The following SOD2 variants were observed in gnomAD, a reference collection of about 807,000 sequenced individuals.
SOD2 encodes the protein superoxide dismutase [Mn], mitochondrial.
In SOD2, 11 loss-of-function variants were observed where a neutral mutation model predicts 27.0. The observed-to-expected ratio is 0.41, with a 90% CI of 0.26 to 0.67. The LOEUF (loss-of-function observed/expected upper bound fraction) is 0.67. Among genes scored for constraint, SOD2 ranks in the 30% least tolerant of loss-of-function variants. The pLI is 0.34. For synonymous variants in SOD2, 105 were observed against 103.0 expected (o/e 1.02, Z -0.12); for missense variants, 250 against 274.5 (o/e 0.91, Z 0.63).
chr6:159,726,168 A>G (rs1562445251), intron 1 of SOD2: 2 of 152,234 alleles, frequency 1.3e-5, no homozygotes, highest in East Asian at 3.9e-4. Flanking sequence ...CCATTTTTCC[A>G]CTCCCACCAG....
At chr6:159,753,677 A>G (rs181373704) in intron 1 of SOD2, 3 of 1,529,700 alleles carry the variant, frequency 2.0e-6, no homozygotes, top group Non-Finnish European at 2.6e-6. Context: ...TAAAACTGCC[A>G]GTCATGAATA....
intron 4 of SOD2, 27 bp downstream of exon 4, chr6:159,684,827 A>G (rs746460093): frequency 1.9e-6 from 3 of 1,579,812 alleles, no homozygotes; most frequent in South Asian, 2.3e-5. Context: ...ATCTCTCCCA[A>G]ATGAAATCAC....
At chr6:159,693,338 C>T (rs1443567043), upstream of SOD2, 5 of 287,748 alleles carry the variant, frequency 1.7e-5, no homozygotes, top group East Asian at 2.3e-4. Context: ...GCCCCCCCCC[C>T]CCGCGGGCCC....
chr6:159,724,372 A>T (rs554452130), intron 1 of SOD2, among the ~76,000 whole-genome samples: 1 of 152,322 alleles, frequency 6.6e-6, no homozygotes, highest in Admixed American at 6.5e-5. Flanking sequence ...TAAAATACTT[A>T]TGTTATCCTA....
intron 1 of SOD2, among the ~76,000 whole-genome samples, chr6:159,750,868 G>A (rs951166872): frequency 6.6e-6 from 1 of 152,238 alleles, no homozygotes; most frequent in African/African-American, 2.4e-5. Flanking sequence ...TTCCAGTGGT[G>A]GAATGGGTTT....
At chr6:159,693,809 C>G (rs527981995), upstream of SOD2, among the ~76,000 whole-genome samples, 10 of 152,342 alleles carry the variant, frequency 6.6e-5, no homozygotes, top group South Asian at 2.1e-3. Flanking sequence ...CCCTTCCAAC[C>G]CGTATTCAGT....
intron 1 of SOD2, among the ~76,000 whole-genome samples, chr6:159,737,134 G>A (rs1452343374): frequency 6.6e-6 from 1 of 151,728 alleles, no homozygotes; most frequent in Non-Finnish European, 1.5e-5. Flanking sequence ...TGCAGTCTCC[G>A]CCTCCTGGGC....
intron 1 of SOD2, among the ~76,000 whole-genome samples, chr6:159,725,033 AC>A (rs1778122024): frequency 6.6e-6 from 1 of 152,172 alleles, no homozygotes; most frequent in South Asian, 2.1e-4. Context: ...AAACACACCT[AC>A]ACAAAGAACC....
chr6:159,702,850 G>GAA (rs35570449), intron 1 of SOD2, among the ~76,000 whole-genome samples: 6 of 30,668 alleles, frequency 2.0e-4, no homozygotes, highest in Non-Finnish European at 2.4e-4. Context: ...ACCCTATCTC[G>GAA]AAAAAAAAAA....
rs577718047 is a variant in SOD2 at position 159,721,073 on chromosome 6, T to A, written c.-116+6056A>T. 1.2e-4 allele frequency among the ~76,000 whole-genome samples: 18 copies of A among 150,806 alleles called. 1 individual carries two copies. In the South Asian group the frequency reaches 3.3e-3, roughly 28 times the overall value. ...TTAATTTTTATTTATTTATATTTTT[T>A]AATTTTTTTTTTGAGACGGAGTCTC... On this transcript the variant is annotated intron_variant, in intron 1 of 2. Transcript: ENST00000401980.
At chr6:159,753,053 T>C (rs1220938708) in intron 1 of SOD2, among the ~76,000 whole-genome samples, 1 of 152,242 alleles carries the variant, frequency 6.6e-6, no homozygotes, top group Admixed American at 6.5e-5. Context: ...ATATTTGTGA[T>C]TGATGTTGCA....
At chr6:159,727,093 C>T (rs1778213417) in intron 1 of SOD2, 22 of 1,194,560 alleles carry the variant, frequency 1.8e-5, no homozygotes, top group Non-Finnish European at 2.0e-5. Context: ...CCTCCGACCT[C>T]GCTGGCCCGC....
intron 1 of SOD2, among the ~76,000 whole-genome samples, chr6:159,741,255 C>G (rs1420813871): frequency 6.6e-6 from 1 of 151,998 alleles, no homozygotes. Flanking sequence ...AACAACGGTC[C>G]CCTTGTATTC....
upstream of SOD2, among the ~76,000 whole-genome samples, chr6:159,749,628 C>T (rs1184569569): frequency 1.1e-4 from 17 of 152,100 alleles, no homozygotes; most frequent in Admixed American, 1.0e-3. Flanking sequence ...ACACTTGTTA[C>T]TTTTATGACA....
chr6:159,738,493 C>T (rs568018445), intron 1 of SOD2, among the ~76,000 whole-genome samples: 47 of 152,238 alleles, frequency 3.1e-4, no homozygotes, highest in African/African-American at 1.0e-3. Flanking sequence ...TGTTAAAGGA[C>T]ATTTGGATAG....
chr6:159,760,428 C>A (rs1437714591), intron 1 of SOD2: 2 of 152,108 alleles, frequency 1.3e-5, no homozygotes, highest in African/African-American at 4.8e-5. Flanking sequence ...CGGCACCACG[C>A]CCGGCTAATT....
chr6:159,683,490 C>T (rs1405487875), intron 4 of SOD2, among the ~76,000 whole-genome samples: 2 of 152,128 alleles, frequency 1.3e-5, no homozygotes, highest in East Asian at 3.8e-4. Flanking sequence ...ATCACGCACA[C>T]ACAAAAACAC....
upstream of SOD2, among the ~76,000 whole-genome samples, chr6:159,697,731 G>A (rs1777448897): frequency 1.3e-5 from 2 of 152,220 alleles, no homozygotes. Context: ...TGTAAGCAAA[G>A]ACAGTGACTT....
intron 1 of SOD2, 120 bp from the exon 2 acceptor site, chr6:159,692,983 T>C (rs2114795370): frequency 7.4e-7 from 1 of 1,342,602 alleles, no homozygotes; most frequent in Non-Finnish European, 9.7e-7. Context: ...TCCCTGCGGA[T>C]CCCCGCTCCA....
Sources: allele counts gnomAD v4.1 joint callset (sites outside exome capture counted in the v4.1 genomes callset), GRCh38; gene constraint gnomAD v4.1.1; transcripts MANE v1.5; gene names NCBI Gene and HGNC (gene_info 2026-07-23, HGNC 2026-07-21).